CLNS1A: variants seen among roughly 807,000 people sequenced by gnomAD.
The protein encoded by CLNS1A is methylosome subunit pICln.
Under a neutral mutation model 29.4 loss-of-function variants are expected in CLNS1A, and 16 were observed. The observed-to-expected ratio is 0.54, with a 90% CI of 0.37 to 0.83. The LOEUF (loss-of-function observed/expected upper bound fraction) is 0.83, where lower values mean the gene tolerates loss of function less well. Ranked by LOEUF, CLNS1A falls within the 40% of genes least tolerant of loss-of-function variation. CLNS1A has a pLI of 0.00. For synonymous variants in CLNS1A, 96 were observed against 104.8 expected, an observed-to-expected ratio of 0.92 and a Z score of 0.51; for missense variants, 235 against 287.4, an observed-to-expected ratio of 0.82 and a Z score of 1.32.
In CLNS1A at chr11:77,616,709, GGTTTACAGT is replaced by G. The variant is rs1958908468; in HGVS notation, c.*23-23_*23-15del. 1 of 152,308 alleles carries G rather than the reference GGTTTACAGT, an allele frequency of 6.6e-6. No homozygotes were observed. The highest frequency in any genetic ancestry group is 2.4e-5 in the African/African-American group (1 of 41,390). The allele number at this position is 152,308 out of a possible 1,614,324, so 9.4% of individuals were successfully genotyped here. On this transcript the variant is annotated splice_polypyrimidine_tract_variant and intron_variant, in intron 6 of 6. Coordinates refer to ENST00000525428, the MANE Select transcript of CLNS1A (RefSeq NM_001293.3). ...TAGGAGCAGAATCTGAAAAACAAAAGGTTTACAGTGTTTACAGTAGTGATAATAATAATA... is the reference window on the plus strand; with the variant it reads ...TAGGAGCAGAATCTGAAAAACAAAAGGTTTACAGTAGTGATAATAATAATA...
chr11:77,625,186 G>T (rs1055546897), intron 3 of CLNS1A, 116 bp from the exon 4 acceptor site: 6 of 676,054 alleles, frequency 8.9e-6, no homozygotes, highest in Admixed American at 6.2e-5. Context: ...CTGCCAAATT[G>T]TAAGATCAAT....
At chr11:77,617,779 G>A (rs1316380770) in intron 6 of CLNS1A, among the ~76,000 whole-genome samples, 6 of 151,856 alleles carry the variant, frequency 4.0e-5, no homozygotes, top group South Asian at 2.1e-4. Flanking sequence ...TTAGCCAGGC[G>A]TGGTGGCGCG....
At chr11:77,627,276 CA>C (rs1291155480) in intron 2 of CLNS1A, among the ~76,000 whole-genome samples, 210 of 135,506 alleles carry the variant, frequency 1.5e-3, no homozygotes, top group Middle Eastern at 3.7e-3. Context: ...TACTAAAATA[CA>C]AAAAAAAAAA....
Position 77,615,569 on chromosome 11 carries a change from T to A in CLNS1A, c.*1149A>T, listed in dbSNP as rs1590790189. The A allele has an allele frequency of 6.6e-6, 1 of 152,262 alleles. No homozygotes were observed. Among genetic ancestry groups the A allele is most frequent in the African/African-American group, 2.4e-5 (1 of 41,552 alleles). 9.4% of individuals were successfully genotyped at this position (152,262 alleles called of 1,614,324 possible). A position where few individuals can be genotyped will look rare whatever the true frequency, so the allele number is the denominator to read the frequency against. On this transcript the variant is annotated 3_prime_UTR_variant, in exon 7 of 7. Coordinates refer to ENST00000525428, the MANE Select transcript of CLNS1A (RefSeq NM_001293.3). ...CTCAGGACAGTGGCTAGTACAGAGG[T>A]CTCAGTAAATTTTAGTTTCCATTTC...
rs546454636 is a variant in CLNS1A, at chr11:77,635,455, G to A, written c.125+2135C>T. On this transcript the variant is annotated intron_variant, in intron 1 of 6. Transcript: ENST00000525428. ...CAACCTCCGCCTCTCGGGTTCAAGC[G>A]ATTCTCCTGCCTCAGCCTCCCAAGT... 1.7e-4 allele frequency among the ~76,000 whole-genome samples: 26 copies of A among 151,556 alleles called. No homozygotes were observed. The East Asian group carries it at 1.9e-3, about 11-fold the overall frequency.
At chr11:77,622,919 G>C (rs1441048561) in intron 4 of CLNS1A, among the ~76,000 whole-genome samples, 1 of 146,694 alleles carries the variant, frequency 6.8e-6, no homozygotes, top group Non-Finnish European at 1.5e-5. Flanking sequence ...TTGTACTCCA[G>C]CCTGGGCAAC....
At chr11:77,631,470 G>A (rs928044883) in intron 1 of CLNS1A, among the ~76,000 whole-genome samples, 1 of 151,454 alleles carries the variant, frequency 6.6e-6, no homozygotes, top group African/African-American at 2.4e-5. Flanking sequence ...ACAGGCGCCC[G>A]CCACCACACC....
chr11:77,621,056 G>C (rs1180910047), intron 5 of CLNS1A, among the ~76,000 whole-genome samples: 1 of 151,628 alleles, frequency 6.6e-6, no homozygotes, highest in Non-Finnish European at 1.5e-5. Context: ...CAATACTTTG[G>C]GAGGCTGAGG....
At position 77,619,612 on chromosome 11, in the gene CLNS1A, C is replaced by G. The variant is rs1159825269; in HGVS notation, c.*16G>C. On this transcript the variant is annotated 3_prime_UTR_variant, in exon 6 of 7. Coordinates refer to ENST00000525428, the MANE Select transcript of CLNS1A (RefSeq NM_001293.3). ...GAGAAAATGAACTACTCACCTTAAA[C>G]TTGCATAAATCATTTTCAGTGATCA... is the stretch of plus-strand genomic sequence containing the variant. 6.3e-7 allele frequency: 1 copy of G among 1,599,942 alleles called. No individual in the cohort carries two copies. Among genetic ancestry groups the G allele is most frequent in the Admixed American group, 1.7e-5 (1 of 60,002 alleles).
chr11:77,624,415 G>A (rs1958994253), intron 4 of CLNS1A, among the ~76,000 whole-genome samples: 1 of 152,086 alleles, frequency 6.6e-6, no homozygotes, highest in Admixed American at 6.5e-5. Flanking sequence ...CCTCCCATAT[G>A]CTCTACTTAC....
chr11:77,625,296 A>G (rs1959005083), intron 3 of CLNS1A: 1 of 527,570 alleles, frequency 1.9e-6, no homozygotes, highest in South Asian at 2.5e-5. Flanking sequence ...TTTCCAAGAA[A>G]AAAGGGTCAG....
At chr11:77,633,250 G>A (rs371696828) in intron 1 of CLNS1A, among the ~76,000 whole-genome samples, 13 of 152,236 alleles carry the variant, frequency 8.5e-5, no homozygotes, top group Middle Eastern at 3.4e-3. Context: ...GATGAAATAG[G>A]CCAGACATGC....
intron 1 of CLNS1A, among the ~76,000 whole-genome samples, chr11:77,631,726 A>G (rs550189126): frequency 1.8e-3 from 279 of 151,544 alleles, no homozygotes; most frequent in African/African-American, 6.4e-3. Context: ...AAAACTAGGA[A>G]GCTTATAAGT....
chr11:77,637,758 C>T lies in CLNS1A; in HGVS notation c.-44G>A, dbSNP rs375310773. On this transcript the variant is annotated 5_prime_UTR_variant, in exon 1 of 7. The change creates a new upstream start codon in the 5' untranslated region. Coordinates refer to ENST00000525428, the MANE Select transcript of CLNS1A (RefSeq NM_001293.3). ...CACAGGCCCTGAGGGAGTTGGAGCA[C>T]AGCAATGCGTGCACCACACCGCCCG... is the stretch of plus-strand genomic sequence containing the variant. 1 of 1,534,728 alleles carries T rather than the reference C, an allele frequency of 6.5e-7. No individual in the cohort carries two copies. The highest frequency in any genetic ancestry group is 8.8e-7 in the Non-Finnish European group (1 of 1,137,826).
chr11:77,636,379 T>C lies in CLNS1A; in HGVS notation c.125+1211A>G, dbSNP rs189552659. 2.3e-3 allele frequency among the ~76,000 whole-genome samples: 356 copies of C among 152,314 alleles called. 1 individual carries two copies. The highest frequency in any genetic ancestry group is 8.4e-3 in the African/African-American group (349 of 41,576). On this transcript the variant is annotated intron_variant, in intron 1 of 6. Transcript: ENST00000525428. ...CACCGCGCCCGGCCCAACACGGTCA[T>C]ATGTACAACTACTCCACACATGTCC...
At chr11:77,622,474 T>G (rs762142514) in intron 5 of CLNS1A, 26 bp downstream of exon 5, 1 of 1,544,754 alleles carries the variant, frequency 6.5e-7, no homozygotes, top group South Asian at 1.3e-5. Flanking sequence ...CTCATCTGAC[T>G]GTTCACACTG....
Position 77,629,850 on chromosome 11 carries a change from G to A in CLNS1A, c.175C>T (p.Pro59Ser), listed in dbSNP as rs1215262921. ...GSGLGFSLEY[P>S]TISLHALSRD... ...GATAATGCATGTAAACTAATGGTGG[G>A]GTATTCCAGTGAGAATCCTAATCCA... The change falls in exon 2 of 7, where the codon CCC (proline) becomes TCC (serine). Residue 59 changes from proline to serine, a missense_variant. Physicochemically the swap from Pro to Ser is moderately conservative, Grantham distance 74. Transcript: ENST00000525428. The A allele has an allele frequency of 6.2e-7, 1 of 1,613,720 alleles. No individual in the cohort carries two copies. Among genetic ancestry groups the A allele is most frequent in the Non-Finnish European group, 8.5e-7 (1 of 1,179,710 alleles).
rs1419093098 is a variant in CLNS1A at position 77,622,539 on chromosome 11, C to A, written c.607G>T (p.Ala203Ser). ...SQSVSSQYNM[A>S]GVRTEDSIRD... ...ATTGAATCTTCTGTCCTGACCCCAGCCATATTATACTGGCTGCTCACAGAC... is the reference window on the plus strand; with the variant it reads ...ATTGAATCTTCTGTCCTGACCCCAGACATATTATACTGGCTGCTCACAGAC... The change falls in exon 5 of 7, where the codon GCT becomes TCT. Residue 203 changes from alanine (A) to serine (S), a missense_variant. Coordinates refer to ENST00000525428, the MANE Select transcript of CLNS1A (RefSeq NM_001293.3). 7 of 1,609,858 alleles carry A rather than the reference C, an allele frequency of 4.3e-6. No homozygotes were observed. Among genetic ancestry groups the A allele is most frequent in the Non-Finnish European group, 4.2e-6 (5 of 1,178,812 alleles).
intron 3 of CLNS1A, 30 bp downstream of exon 3, chr11:77,625,687 G>A (rs367889771): frequency 1.3e-6 from 2 of 1,585,856 alleles, no homozygotes; most frequent in East Asian, 2.2e-5. Context: ...GTATGTAAAA[G>A]GGGAAGAATC....
Sources: gnomAD v4.1 joint callset for allele counts (sites outside exome capture counted in the v4.1 genomes callset) on GRCh38, gnomAD v4.1.1 for gene constraint, MANE v1.5 for transcripts, NCBI Gene and HGNC (gene_info 2026-07-23, HGNC 2026-07-21) for gene names.